The following DISP3 variants were observed in gnomAD, a reference collection of about 807,000 sequenced individuals.
DISP3 encodes the protein dispatched RND transporter family member 3.
In DISP3, 101 loss-of-function variants were observed where a neutral mutation model predicts 135.3. The ratio of observed to expected loss-of-function variants is 0.75; its 90% CI spans 0.64 to 0.88. DISP3 has a LOEUF of 0.88. Ranked by LOEUF, DISP3 falls within the 40% of genes least tolerant of loss-of-function variation. DISP3 has a pLI of 0.00. For synonymous variants in DISP3, 856 were observed against 817.0 expected (o/e 1.05, Z -0.81); for missense variants, 1,713 against 1,878.6 (o/e 0.91, Z 1.63).
At chr1:11,535,448 C>A (rs752722063) in intron 19 of DISP3, 30 bp from the exon 20 acceptor site, 2 of 1,579,240 alleles carry the variant, frequency 1.3e-6, no homozygotes, top group Non-Finnish European at 1.7e-6. Flanking sequence ...GCGGGGGATC[C>A]GAGCTGCCCC....
At position 11,501,509 on chromosome 1, in the gene DISP3, C is replaced by T. The variant is rs1641517377; in HGVS notation, c.517C>T (p.Arg173Cys). The change falls in exon 2 of 21, where the codon CGC becomes TGC. Residue 173 changes from arginine to cysteine, a missense_variant. Arg to Cys is a radical substitution (Grantham distance 180). This residue lies in a region of DISP3 where 571 missense variants were observed against 494.1 expected (regional missense o/e 1.16). Transcript: ENST00000294484. The surrounding 1 kb of genome is among the most constrained non-coding windows in gnomAD (Gnocchi z 4.9). Reference sequence around the variant, plus strand: ...CTCGCGGCAAGCCTCCCGAGCCCCCCGCGTCATCCCCGCGGCCTCACTCGG... The same window carrying T: ...CTCGCGGCAAGCCTCCCGAGCCCCCTGCGTCATCCCCGCGGCCTCACTCGG... ...NRSRQASRAP[R>C]VIPAASLGGP... The T allele has an allele frequency of 6.2e-7, 1 of 1,605,534 alleles. No homozygotes were observed. Among genetic ancestry groups the T allele is most frequent in the East Asian group, 2.2e-5 (1 of 44,760 alleles).
chr1:11,493,498 G>A (rs1641244014), intron 1 of DISP3, among the ~76,000 whole-genome samples: 1 of 152,130 alleles, frequency 6.6e-6, no homozygotes, highest in African/African-American at 2.4e-5. Flanking sequence ...GCGGAGGTGG[G>A]CGGATCACTT....
chr1:11,512,140 C>A (rs1457434554), intron 3 of DISP3, among the ~76,000 whole-genome samples: 1 of 152,196 alleles, frequency 6.6e-6, no homozygotes, highest in African/African-American at 2.4e-5. Flanking sequence ...CCATGAAATT[C>A]TCTGAAATTC....
At chr1:11,511,041 G>A (rs1036235430) in intron 3 of DISP3, among the ~76,000 whole-genome samples, 15 of 152,278 alleles carry the variant, frequency 9.9e-5, no homozygotes, top group Middle Eastern at 3.4e-3. Context: ...GAATAGCATG[G>A]TAAAGACCAG....
intron 3 of DISP3, among the ~76,000 whole-genome samples, chr1:11,514,116 G>C (rs1641932475): frequency 6.6e-6 from 1 of 152,230 alleles, no homozygotes; most frequent in Non-Finnish European, 1.5e-5. Flanking sequence ...GCGTAGAGCA[G>C]TGGTTCTCAA....
Position 11,536,650 on chromosome 1 carries a change from C to A in DISP3, c.4143C>A (p.Gly1381=). The A allele has an allele frequency of 1.3e-6, 2 of 1,594,214 alleles. No homozygotes were observed. The highest frequency in any genetic ancestry group is 1.7e-4 in the Middle Eastern group (1 of 6,028). The change falls in exon 21 of 21, where the codon GGC becomes GGA. Residue 1381 remains glycine (G), a synonymous_variant. Coordinates refer to ENST00000294484, the MANE Select transcript of DISP3 (RefSeq NM_020780.2). This position sits in a 1 kb window ranked among gnomAD's most constrained non-coding sequence, Gnocchi z 4.3. ...CCTGCCTCGTGCTCCTGCAGAGCGG[C>A]TATAAGATTCCCCTGCCCGCAGGGG... ...LGACLVLLQS[G]YKIPLPAGAS... is the part of the protein sequence containing the mutation.
chr1:11,502,619 G>A, intron 2 of DISP3, 59 bp from the exon 3 acceptor site: 2 of 1,380,270 alleles, frequency 1.4e-6, no homozygotes, highest in South Asian at 2.5e-5. Context: ...TGACCTTGAG[G>A]GAGGGTTGGT....
At chr1:11,512,263 T>C (rs1641877379) in intron 3 of DISP3, among the ~76,000 whole-genome samples, 1 of 152,208 alleles carries the variant, frequency 6.6e-6, no homozygotes, top group Non-Finnish European at 1.5e-5. Flanking sequence ...ATGGGTTTTT[T>C]TTTTCCATTG....
Position 11,487,578 on chromosome 1 carries a change from A to G in DISP3, c.-4+8206A>G, listed in dbSNP as rs189341780. On this transcript the variant is annotated intron_variant, in intron 1 of 20. Coordinates refer to ENST00000294484, the MANE Select transcript of DISP3 (RefSeq NM_020780.2). The stretch of plus-strand genomic sequence containing the variant: ...ACCAGCCTAAAAGACTAAGTAGCTT[A>G]AGTAGCTTATTTCTCCCTCTGCAGA... Among the ~76,000 whole-genome samples the G allele has an allele frequency of 7.9e-5, 12 of 152,342 alleles. No homozygotes were observed. The East Asian group carries it at 2.3e-3, about 29-fold the overall frequency.
chr1:11,514,904 C>T (rs1246295534), intron 4 of DISP3, among the ~76,000 whole-genome samples: 2 of 152,142 alleles, frequency 1.3e-5, no homozygotes, highest in Non-Finnish European at 2.9e-5. Context: ...ACTTTTTCAC[C>T]TCCGTGTGCC....
At position 11,517,381 on chromosome 1, in the gene DISP3, G is replaced by A. The variant is rs530556040; in HGVS notation, c.1750-82G>A. 4 of 1,565,384 alleles carry A rather than the reference G, an allele frequency of 2.6e-6. No individual in the cohort carries two copies. The East Asian group carries it at 9.0e-5, about 35-fold the overall frequency. On this transcript the variant is annotated intron_variant, in intron 6 of 20. Coordinates refer to ENST00000294484, the MANE Select transcript of DISP3 (RefSeq NM_020780.2). ...CTGGGCCAGATCTGGGGTCCTGAGT[G>A]TCTCTGGCTGCAGGGGGCACCCAGG...
chr1:11,534,002 G>A (rs1642641950), intron 17 of DISP3, among the ~76,000 whole-genome samples: 1 of 152,208 alleles, frequency 6.6e-6, no homozygotes, highest in Non-Finnish European at 1.5e-5. Context: ...ACACTAAGGA[G>A]GCCCACCTTG....
At chr1:11,481,679 G>A (rs1300217397) in intron 1 of DISP3, 1 of 152,206 alleles carries the variant, frequency 6.6e-6, no homozygotes, top group Non-Finnish European at 1.5e-5. Context: ...TTAAAGGACT[G>A]CCTGAGGTGA....
At chr1:11,526,958 TCTTAC>T in intron 13 of DISP3, 123 bp downstream of exon 13, 8 of 1,163,806 alleles carry the variant, frequency 6.9e-6, no homozygotes, top group East Asian at 2.6e-5. Context: ...TTTTTTTTTT[TCTTAC>T]TCTGTTGCCC....
Position 11,520,697 on chromosome 1 carries a change from C to A in DISP3, c.2211C>A (p.Val737=), listed in dbSNP as rs1267709892. Residue 737 remains valine, a synonymous_variant, in exon 10 of 21, where the codon GTC becomes GTA. Transcript: ENST00000294484. This position sits in a 1 kb window ranked among gnomAD's most constrained non-coding sequence, Gnocchi z 4.8. ...GCCCTTTCCTCACAGGGCTGTTCGT[C>A]TCCATCCTCATCTTGTCCCTGGTGT... ...KSRWVIVGLF[V]SILILSLVFA... is the part of the protein sequence containing the mutation. The A allele has an allele frequency of 1.2e-6, 2 of 1,613,304 alleles. No individual in the cohort carries two copies. The highest frequency in any genetic ancestry group is 1.7e-6 in the Non-Finnish European group (2 of 1,179,916).
Position 11,534,447 on chromosome 1 carries a change from C to T in DISP3, c.3442C>T (p.Gln1148Ter). ...SDYLRWESFL[Q>*]QQLQALPEGS... is the part of the protein sequence containing the mutation. ...CTACCTGCGCTGGGAGAGCTTCCTC[C>T]AGCAGCAGCTGCAGGCCTTGCCCGA... Residue 1148 changes from glutamine to a stop codon, truncating the protein, a stop_gained, in exon 18 of 21, where the codon CAG becomes TAG. Transcript: ENST00000294484. LOFTEE classifies it high-confidence loss of function. 1 of 1,614,214 alleles carries T rather than the reference C, an allele frequency of 6.2e-7. No homozygotes were observed. The highest frequency in any genetic ancestry group is 8.5e-7 in the Non-Finnish European group (1 of 1,180,048).
intron 3 of DISP3, among the ~76,000 whole-genome samples, chr1:11,513,743 C>A (rs980332866): frequency 6.6e-6 from 1 of 152,160 alleles, no homozygotes; most frequent in Non-Finnish European, 1.5e-5. Flanking sequence ...ACTGGAAACT[C>A]TCAAAGCACT....
rs115866046 is a variant in DISP3, at chr1:11,488,556, C to T, written c.-4+9184C>T. ...CTTGAAGGTCAGTCTCTCATGTCTCCACCCTCCTCCCTTCCGTGGGACCCA... is the reference window on the plus strand; with the variant it reads ...CTTGAAGGTCAGTCTCTCATGTCTCTACCCTCCTCCCTTCCGTGGGACCCA... On this transcript the variant is annotated intron_variant, in intron 1 of 20. Transcript: ENST00000294484. Among the ~76,000 whole-genome samples the T allele has an allele frequency of 2.0e-3, 308 of 152,302 alleles. 1 individual carries two copies. The highest frequency in any genetic ancestry group is 7.1e-3 in the African/African-American group (294 of 41,560).
At chr1:11,497,678 G>A (rs368919085) in intron 1 of DISP3, among the ~76,000 whole-genome samples, 1 of 152,142 alleles carries the variant, frequency 6.6e-6, no homozygotes, top group African/African-American at 2.4e-5. Context: ...ATGAGCCACC[G>A]CACCCGGCCC....
Sources: gnomAD v4.1 joint callset for allele counts (sites outside exome capture counted in the v4.1 genomes callset) on GRCh38, gnomAD v4.1.1 for gene constraint, gnomAD v4.1.1 regional missense constraint, Gnocchi (gnomAD v3.1) non-coding constraint, MANE v1.5 for transcripts, NCBI Gene and HGNC (gene_info 2026-07-23, HGNC 2026-07-21) for gene names.